The following PDE10A variants were observed in gnomAD, a reference collection of about 807,000 sequenced individuals.
The protein encoded by PDE10A is cAMP and cAMP-inhibited cGMP 3',5'-cyclic phosphodiesterase 10A.
A neutral mutation model predicts 97.7 loss-of-function variants in PDE10A; 39 were observed. The ratio of observed to expected loss-of-function variants is 0.40; its 90% CI spans 0.31 to 0.52. PDE10A has a LOEUF of 0.52. PDE10A is among the 20% of genes least tolerant of loss of function. The pLI, the probability that PDE10A is intolerant of heterozygous loss-of-function variation, is 0.56. For missense variants in PDE10A, 731 were observed against 1,047.8 expected (o/e 0.70, Z 4.17); for synonymous variants, 371 against 376.8 (o/e 0.98, Z 0.18).
At chr6:165,670,567 A>C (rs150678710) in intron 1 of PDE10A, among the ~76,000 whole-genome samples, 93 of 152,344 alleles carry the variant, frequency 6.1e-4, no homozygotes, top group African/African-American at 2.1e-3. Flanking sequence ...TTGAACAACT[A>C]AAACCAAGCT....
At chr6:165,632,872 G>A (rs190707749) in intron 1 of PDE10A, among the ~76,000 whole-genome samples, 1 of 152,134 alleles carries the variant, frequency 6.6e-6, no homozygotes, top group Non-Finnish European at 1.5e-5. Flanking sequence ...TATTAGAGCT[G>A]TATACCCAAG....
intron 1 of PDE10A, among the ~76,000 whole-genome samples, chr6:165,546,643 T>A (rs914879417): frequency 1.3e-5 from 2 of 152,020 alleles, no homozygotes; most frequent in African/African-American, 4.8e-5. Flanking sequence ...GTTGATAAAG[T>A]TGTTGTCCCA....
At chr6:165,483,015 G>T (rs1779695090) in intron 2 of PDE10A, among the ~76,000 whole-genome samples, 1 of 152,094 alleles carries the variant, frequency 6.6e-6, no homozygotes, top group Non-Finnish European at 1.5e-5. Context: ...TGACCAACAG[G>T]GTATAAAACA....
At chr6:165,811,028 A>G (rs748558296) in intron 1 of PDE10A, among the ~76,000 whole-genome samples, 3 of 152,224 alleles carry the variant, frequency 2.0e-5, no homozygotes, top group Non-Finnish European at 4.4e-5. Context: ...GTTCGAGACC[A>G]GCCTGGCCAA....
intron 1 of PDE10A, among the ~76,000 whole-genome samples, chr6:165,645,723 G>A (rs570922646): frequency 2.0e-5 from 3 of 151,938 alleles, no homozygotes; most frequent in South Asian, 2.1e-4. Flanking sequence ...GTTTGGTGGT[G>A]TGCACCTGTA....
chr6:165,391,410 C>T (rs1009827720), intron 16 of PDE10A, among the ~76,000 whole-genome samples: 3 of 152,040 alleles, frequency 2.0e-5, no homozygotes, highest in African/African-American at 7.2e-5. Context: ...AATTACAATG[C>T]AACTTGAAAG....
intron 17 of PDE10A, among the ~76,000 whole-genome samples, chr6:165,381,780 C>T (rs1057361785): frequency 5.9e-5 from 9 of 151,824 alleles, no homozygotes; most frequent in Non-Finnish European, 1.3e-4. Flanking sequence ...CGCGCCCGGC[C>T]ACGTCTCCCT....
At chr6:165,484,629 C>T (rs6934987) in intron 2 of PDE10A, among the ~76,000 whole-genome samples, 5,688 of 152,130 alleles carry the variant, frequency 0.037, 386 homozygotes, top group African/African-American at 0.13. Flanking sequence ...AGCACAGAGA[C>T]CACAGGAAAT....
rs538852912 is a variant in PDE10A at position 165,809,953 on chromosome 6, G to C, written c.-615+177576C>G. On this transcript the variant is annotated intron_variant, in intron 1 of 19. Transcript: ENST00000366882. ...TTTCCTTGTATGATAAATTCGCTCTGTGCAATGTGATGGAATATGCTGGCG... is the reference window on the plus strand; with the variant it reads ...TTTCCTTGTATGATAAATTCGCTCTCTGCAATGTGATGGAATATGCTGGCG... Among the ~76,000 whole-genome samples the C allele has an allele frequency of 3.9e-5, 6 of 152,314 alleles. No individual in the cohort carries two copies. In the South Asian group the frequency reaches 6.2e-4, roughly 16 times the overall value.
At chr6:165,399,220 T>C (rs934847327) in intron 13 of PDE10A, among the ~76,000 whole-genome samples, 2 of 151,910 alleles carry the variant, frequency 1.3e-5, no homozygotes, top group African/African-American at 4.8e-5. Context: ...AATAGAAAAA[T>C]CCACAATTAT....
At chr6:165,606,766 A>C (rs1787229868) in intron 1 of PDE10A, among the ~76,000 whole-genome samples, 2 of 152,154 alleles carry the variant, frequency 1.3e-5, no homozygotes, top group African/African-American at 4.8e-5. Flanking sequence ...ATCAAGTATG[A>C]GGAAAAGCAT....
chr6:165,671,403 CT>C lies in PDE10A; in HGVS notation c.-614-127836del, dbSNP rs909354806. On this transcript the variant is annotated intron_variant, in intron 1 of 19. Transcript: ENST00000366882. The surrounding 1 kb of genome is among the most constrained non-coding windows in gnomAD (Gnocchi z 4.6). The stretch of plus-strand genomic sequence containing the variant: ...AAGAGCCCGAATTCAGCCCAGGTGC[CT>C]CTGCCCATTTACTGCCCAGAACTGA... Among the ~76,000 whole-genome samples, 3 of 152,150 alleles carry C rather than the reference CT, an allele frequency of 2.0e-5. No homozygotes were observed. Among genetic ancestry groups the C allele is most frequent in the African/African-American group, 7.2e-5 (3 of 41,422 alleles).
chr6:165,607,512 T>C (rs969668193), intron 1 of PDE10A, among the ~76,000 whole-genome samples: 4 of 152,164 alleles, frequency 2.6e-5, no homozygotes, highest in Non-Finnish European at 5.9e-5. Context: ...CCTAGGTGTG[T>C]GGCAGCCTGT....
intron 1 of PDE10A, among the ~76,000 whole-genome samples, chr6:165,686,781 C>T (rs932987485): frequency 6.6e-6 from 1 of 152,186 alleles, no homozygotes; most frequent in Non-Finnish European, 1.5e-5. Context: ...CCTCATTAGC[C>T]GGTCGGTCCT....
chr6:165,611,176 T>C (rs779396079), intron 1 of PDE10A, among the ~76,000 whole-genome samples: 16 of 152,132 alleles, frequency 1.1e-4, no homozygotes, highest in Non-Finnish European at 2.2e-4. Flanking sequence ...AAGTAATTTA[T>C]TGACCCATGA....
At chr6:165,715,195 G>A (rs970575097) in intron 1 of PDE10A, among the ~76,000 whole-genome samples, 11 of 152,254 alleles carry the variant, frequency 7.2e-5, no homozygotes, top group African/African-American at 1.7e-4. Context: ...ACGGGCCTGC[G>A]CCCTCATTCA....
intron 3 of PDE10A, among the ~76,000 whole-genome samples, chr6:165,480,127 G>C (rs1368032240): frequency 6.6e-6 from 1 of 152,204 alleles, no homozygotes; most frequent in Admixed American, 6.5e-5. Flanking sequence ...TCTTAAGGAG[G>C]CATATGGAAA....
At chr6:165,343,628 G>GT in intron 18 of PDE10A, 126 bp from the exon 19 acceptor site, 2 of 692,890 alleles carry the variant, frequency 2.9e-6, no homozygotes, top group Non-Finnish European at 5.2e-6. Flanking sequence ...GCACACAGAA[G>GT]TGACAGCCAG....
intron 1 of PDE10A, among the ~76,000 whole-genome samples, chr6:165,599,714 T>C (rs1701072211): frequency 6.6e-6 from 1 of 152,214 alleles, no homozygotes; most frequent in African/African-American, 2.4e-5. Context: ...CACCATATAA[T>C]GTTGCCATAC....
Sources: allele counts gnomAD v4.1 joint callset (sites outside exome capture counted in the v4.1 genomes callset), GRCh38; gene constraint gnomAD v4.1.1; non-coding constraint Gnocchi (gnomAD v3.1); transcripts MANE v1.5; gene names NCBI Gene and HGNC (gene_info 2026-07-23, HGNC 2026-07-21).